The following CTNNA3 variants were observed in gnomAD, a reference collection of about 807,000 sequenced individuals.
CTNNA3 encodes catenin alpha 3, also known as catenin alpha-3.
CTNNA3 carries 76 observed loss-of-function variants against 95.7 expected under a neutral mutation model. The ratio of observed to expected loss-of-function variants is 0.79; its 90% CI spans 0.66 to 0.96. CTNNA3 has a LOEUF of 0.96. Ranked by LOEUF, CTNNA3 falls within the 40% of genes least tolerant of loss-of-function variation. The probability of loss-of-function intolerance (pLI) is 0.00; values close to 1 mark genes in which losing one functional copy is unlikely to be tolerated. For missense variants in CTNNA3, 1,191 were observed against 1,089.8 expected (o/e 1.09, Z -1.31); for synonymous variants, 431 against 374.4 (o/e 1.15, Z -1.74).
intron 5 of CTNNA3, among the ~76,000 whole-genome samples, chr10:67,387,191 G>A (rs1482111678): frequency 2.0e-5 from 3 of 152,196 alleles, no homozygotes; most frequent in Non-Finnish European, 4.4e-5. Flanking sequence ...GCGCAGGTCA[G>A]TGGGTGCGCG....
intron 10 of CTNNA3, among the ~76,000 whole-genome samples, chr10:66,585,662 AT>A (rs1843337249): frequency 6.6e-6 from 1 of 151,788 alleles, no homozygotes; most frequent in South Asian, 2.1e-4. Context: ...TTTTTGAATT[AT>A]TTATCTGGTA....
intron 5 of CTNNA3, among the ~76,000 whole-genome samples, chr10:67,308,598 T>G (rs1840656227): frequency 6.6e-6 from 1 of 152,204 alleles, no homozygotes; most frequent in Admixed American, 6.5e-5. Flanking sequence ...TTTTCTAGCC[T>G]AAATGTTAAG....
At position 67,195,802 on chromosome 10, in the gene CTNNA3, T is replaced by C. The variant is rs536572169; in HGVS notation, c.844-15282A>G. Among the ~76,000 whole-genome samples, 3 of 152,254 alleles carry C rather than the reference T, an allele frequency of 2.0e-5. No homozygotes were observed. The East Asian group carries it at 5.8e-4, about 29-fold the overall frequency. ...TGAAGCACAAAATCAATATTTTGGT[T>C]GGAAAAAGTTTTCTGTATTTTAATA... is the stretch of plus-strand genomic sequence containing the variant. On this transcript the variant is annotated intron_variant, in intron 6 of 17. Transcript: ENST00000433211.
At chr10:66,438,021 G>T (rs1308530530) in intron 11 of CTNNA3, among the ~76,000 whole-genome samples, 7 of 152,190 alleles carry the variant, frequency 4.6e-5, no homozygotes, top group Admixed American at 3.9e-4. Context: ...CGTATCACCA[G>T]TGGAGGCTGC....
chr10:66,001,822 C>A (rs1720886381), intron 15 of CTNNA3, among the ~76,000 whole-genome samples: 1 of 152,088 alleles, frequency 6.6e-6, no homozygotes, highest in South Asian at 2.1e-4. Context: ...CAGATAACAT[C>A]AACTGAATGG....
At chr10:66,421,994 T>C (rs1004687381) in intron 11 of CTNNA3, among the ~76,000 whole-genome samples, 9 of 149,034 alleles carry the variant, frequency 6.0e-5, no homozygotes, top group Admixed American at 1.4e-4. Flanking sequence ...TTTGTAGAAA[T>C]ACCTTGGACA....
At chr10:66,884,545 T>C (rs1325321959) in intron 7 of CTNNA3, among the ~76,000 whole-genome samples, 1 of 152,222 alleles carries the variant, frequency 6.6e-6, no homozygotes, top group South Asian at 2.1e-4. Flanking sequence ...ATGAGCCATC[T>C]TGGAAGCAGA....
Position 66,497,335 on chromosome 10 carries a change from C to A in CTNNA3, c.1531+23282G>T, listed in dbSNP as rs189721810. On this transcript the variant is annotated intron_variant, in intron 11 of 17. Coordinates refer to ENST00000433211, the MANE Select transcript of CTNNA3 (RefSeq NM_013266.4). ...AAAGTAGTTGCAGTTTTTGTCATCA[C>A]TTTGATGACAAAAACTGCAATTAAA... Among the ~76,000 whole-genome samples, 754 of 151,578 alleles carry A rather than the reference C, an allele frequency of 5.0e-3. 8 individuals carry two copies. The highest frequency in any genetic ancestry group is 0.017 in the African/African-American group (701 of 41,430).
chr10:66,770,237 T>C (rs1379506614), intron 8 of CTNNA3, among the ~76,000 whole-genome samples: 1 of 152,240 alleles, frequency 6.6e-6, no homozygotes, highest in Admixed American at 6.5e-5. Context: ...CATATTCATA[T>C]GGAATTGTTT....
chr10:66,280,705 G>T (rs923648581), intron 12 of CTNNA3, 84 bp from the exon 13 acceptor site: 1 of 1,044,216 alleles, frequency 9.6e-7, no homozygotes, highest in Middle Eastern at 3.3e-4. Context: ...GTAGAATTTG[G>T]TTTTAAACAA....
chr10:66,225,391 A>ATC (rs1491091776), intron 13 of CTNNA3, among the ~76,000 whole-genome samples: 1 of 2,458 alleles, frequency 4.1e-4, no homozygotes, highest in Non-Finnish European at 8.8e-4. Context: ...TTTTATTCAA[A>ATC]TATATATATA....
Position 65,920,374 on chromosome 10 carries a change from G to C in CTNNA3, c.2644C>G (p.Pro882Ala). ...RRGSAKKKIHPLQVMSEFRGR... is the reference protein window; with the variant it reads ...RRGSAKKKIHALQVMSEFRGR... ...CTAAATTCACTCATGACTTGCAATG[G>C]ATGGATTTTTTTCTTTGCTGAGCCT... is the stretch of plus-strand genomic sequence containing the variant. The change falls in exon 18 of 18, where the codon CCA becomes GCA. Residue 882 changes from proline to alanine, a missense_variant. Pro to Ala is a conservative substitution (Grantham distance 27). Coordinates refer to ENST00000433211, the MANE Select transcript of CTNNA3 (RefSeq NM_013266.4). The C allele has an allele frequency of 6.2e-7, 1 of 1,614,018 alleles. No individual in the cohort carries two copies.
chr10:66,046,582 C>T (rs116161754), intron 15 of CTNNA3, among the ~76,000 whole-genome samples: 5 of 151,426 alleles, frequency 3.3e-5, no homozygotes, highest in Non-Finnish European at 1.5e-5. Context: ...AACAGATAAA[C>T]CCCAAAGCTA....
chr10:66,665,768 C>T (rs1002341581), intron 9 of CTNNA3, among the ~76,000 whole-genome samples: 1 of 152,264 alleles, frequency 6.6e-6, no homozygotes, highest in African/African-American at 2.4e-5. Context: ...TTTATATGAT[C>T]ATAACTTCTT....
At position 67,060,369 on chromosome 10, in the gene CTNNA3, C is replaced by T. The variant is rs181903990; in HGVS notation, c.1047+119948G>A. 4.2e-3 allele frequency among the ~76,000 whole-genome samples: 646 copies of T among 152,180 alleles called. 1 individual carries two copies. Among genetic ancestry groups the T allele is most frequent in the African/African-American group, 0.015 (607 of 41,506 alleles). ...ATGTATACAATTAATTGCCAAGTGA[C>T]TAAACAGAAGACAAGCGTATATGAA... On this transcript the variant is annotated intron_variant, in intron 7 of 17. Transcript: ENST00000433211.
At chr10:67,502,584 C>A (rs910350155) in intron 5 of CTNNA3, among the ~76,000 whole-genome samples, 2 of 152,320 alleles carry the variant, frequency 1.3e-5, no homozygotes, top group South Asian at 4.1e-4. Context: ...CCCCTTCCCC[C>A]AGGTGCTCTG....
At chr10:67,279,328 G>A (rs1477189271) in intron 5 of CTNNA3, among the ~76,000 whole-genome samples, 1 of 152,174 alleles carries the variant, frequency 6.6e-6, no homozygotes, top group African/African-American at 2.4e-5. Flanking sequence ...ATCTGAGACA[G>A]GTCTCAATCA....
intron 7 of CTNNA3, among the ~76,000 whole-genome samples, chr10:67,102,913 C>T (rs1200453848): frequency 6.6e-6 from 1 of 151,746 alleles, no homozygotes; most frequent in African/African-American, 2.4e-5. Context: ...CACTTACTGA[C>T]TTTATCTGGA....
intron 1 of CTNNA3, among the ~76,000 whole-genome samples, chr10:67,729,624 T>C (rs951351109): frequency 1.4e-4 from 21 of 152,160 alleles, no homozygotes; most frequent in African/African-American, 4.1e-4. Context: ...AGGAATTGCA[T>C]GGTCAGAATA....
Sources: allele counts gnomAD v4.1 joint callset (sites outside exome capture counted in the v4.1 genomes callset), GRCh38; gene constraint gnomAD v4.1.1; transcripts MANE v1.5; gene names NCBI Gene and HGNC (gene_info 2026-07-23, HGNC 2026-07-21).